The following CSPG5 variants were observed in gnomAD, a reference collection of about 807,000 sequenced individuals.
CSPG5 encodes chondroitin sulfate proteoglycan 5, also known as acidic leucine-rich EGF-like domain-containing brain protein.
Under a neutral mutation model 39.8 loss-of-function variants are expected in CSPG5, and 25 were observed. The observed-to-expected ratio is 0.63, with a 90% CI of 0.46 to 0.88. CSPG5 has a LOEUF of 0.88. Among genes scored for constraint, CSPG5 ranks in the 40% least tolerant of loss-of-function variants. The probability of loss-of-function intolerance (pLI) is 0.00; values close to 1 mark genes in which losing one functional copy is unlikely to be tolerated. For missense variants in CSPG5, 627 were observed against 702.2 expected (o/e 0.89, Z 1.21); for synonymous variants, 295 against 303.9 (o/e 0.97, Z 0.31).
intron 4 of CSPG5, among the ~76,000 whole-genome samples, chr3:47,566,339 G>A (rs1478535837): frequency 2.6e-5 from 4 of 152,146 alleles, no homozygotes; most frequent in Non-Finnish European, 4.4e-5. Context: ...CTCTCCTCCC[G>A]TATCATCTGG....
intron 3 of CSPG5, among the ~76,000 whole-genome samples, chr3:47,569,590 C>T (rs1334914355): frequency 1.6e-4 from 24 of 149,784 alleles, no homozygotes; most frequent in East Asian, 1.6e-3. Context: ...GCTGACAGAG[C>T]GAGACTCCAT....
intron 4 of CSPG5, 72 bp downstream of exon 4, chr3:47,569,080 A>G (rs2031420945): frequency 6.6e-7 from 1 of 1,522,822 alleles, no homozygotes; most frequent in African/African-American, 1.4e-5. Context: ...CCTGACAGAT[A>G]ACGTTATCAT....
intron 4 of CSPG5, 69 bp downstream of exon 4, chr3:47,569,083 G>A (rs772322527): frequency 7.2e-6 from 11 of 1,537,358 alleles, no homozygotes; most frequent in Admixed American, 4.3e-5. Context: ...GACAGATAAC[G>A]TTATCATAGT....
chr3:47,563,593 C>T (rs952194996), intron 4 of CSPG5, among the ~76,000 whole-genome samples: 6 of 152,152 alleles, frequency 3.9e-5, no homozygotes, highest in East Asian at 3.8e-4. Context: ...CTTGCTCTGT[C>T]GCCCAGGCCA....
At chr3:47,566,574 C>G (rs1215882978) in intron 4 of CSPG5, among the ~76,000 whole-genome samples, 1 of 152,204 alleles carries the variant, frequency 6.6e-6, no homozygotes, top group Non-Finnish European at 1.5e-5. Context: ...AGGAGAGTCA[C>G]CCCTCACATC....
chr3:47,567,407 T>G (rs1040784556), intron 4 of CSPG5, among the ~76,000 whole-genome samples: 1 of 152,160 alleles, frequency 6.6e-6, no homozygotes, highest in African/African-American at 2.4e-5. Flanking sequence ...CTGCCCTCTG[T>G]GGGTTGATGA....
In CSPG5 at chr3:47,576,988, T is replaced by C; in HGVS notation, c.1038A>G (p.Pro346=). ...TTTCACTGGAGGCCAAGTCCCTGCC[T>C]GGCTCTCCTGGGCGGGGCCTGAGGG... ...SIALRPRPGE[P]GRDLASSENG... is the part of the protein sequence containing the mutation. Residue 346 remains proline (P), a synonymous_variant, in exon 2 of 5, where the codon CCA becomes CCG. Coordinates refer to ENST00000264723, the MANE Select transcript of CSPG5 (RefSeq NM_006574.4). 1 of 1,613,652 alleles carries C rather than the reference T, an allele frequency of 6.2e-7. No homozygotes were observed. Among genetic ancestry groups the C allele is most frequent in the Non-Finnish European group, 8.5e-7 (1 of 1,179,788 alleles).
chr3:47,569,296 A>C, intron 3 of CSPG5, 69 bp from the exon 4 acceptor site: 2 of 1,505,518 alleles, frequency 1.3e-6, no homozygotes, highest in Non-Finnish European at 1.8e-6. Context: ...ACAATGTCTC[A>C]GCTTCTGGAT....
At chr3:47,568,032 A>G (rs879405037) in intron 4 of CSPG5, among the ~76,000 whole-genome samples, 1 of 152,178 alleles carries the variant, frequency 6.6e-6, no homozygotes, top group Non-Finnish European at 1.5e-5. Flanking sequence ...GATATAGAAC[A>G]CTTCCATTTC....
chr3:47,562,839 G>T (rs1456746958), intron 4 of CSPG5, 78 bp from the exon 5 acceptor site: 6 of 1,373,662 alleles, frequency 4.4e-6, no homozygotes, highest in Non-Finnish European at 5.9e-6. Flanking sequence ...TTTCTATCTG[G>T]TTGAAGGAAG....
chr3:47,568,974 A>C, intron 4 of CSPG5, 178 bp downstream of exon 4: 2 of 1,182,798 alleles, frequency 1.7e-6, no homozygotes, highest in Non-Finnish European at 2.3e-6. Context: ...GCTGACCTCC[A>C]GAGCTCTCTG....
In CSPG5 at chr3:47,578,730, G is replaced by T. The variant is rs924952474; in HGVS notation, c.-37C>A. 1.5e-5 allele frequency: 8 copies of T among 541,554 alleles called. No homozygotes were observed. Among genetic ancestry groups the T allele is most frequent in the African/African-American group, 1.2e-4 (6 of 48,308 alleles). 33.5% of individuals were successfully genotyped at this position (541,554 alleles called of 1,614,324 possible). A position where few individuals can be genotyped will look rare whatever the true frequency, so the allele number is the denominator to read the frequency against. On this transcript the variant is annotated 5_prime_UTR_variant, in exon 1 of 5. Coordinates refer to ENST00000264723, the MANE Select transcript of CSPG5 (RefSeq NM_006574.4). The surrounding 1 kb of genome is among the most constrained non-coding windows in gnomAD (Gnocchi z 6.0). ...CCGACCGCTGTCCGCGGTCCGCCCG[G>T]CTGGCTGCGCCCTCGGCTCGCCCGG...
chr3:47,569,594 A>T (rs2031450031), intron 3 of CSPG5, among the ~76,000 whole-genome samples: 1 of 151,230 alleles, frequency 6.6e-6, no homozygotes, highest in Admixed American at 6.6e-5. Context: ...ACAGAGCGAG[A>T]CTCCATCTCA....
chr3:47,579,195 A>C (rs2031906595), upstream of CSPG5: 1 of 152,306 alleles, frequency 6.6e-6, no homozygotes, highest in Non-Finnish European at 1.5e-5. The surrounding 1 kb of genome is among the most constrained non-coding windows in gnomAD (Gnocchi z 4.2). Flanking sequence ...GCCACGCGGC[A>C]AGCACGGAGG....
In CSPG5 at chr3:47,562,565, C is replaced by A; in HGVS notation, c.*35G>T. On this transcript the variant is annotated 3_prime_UTR_variant, in exon 5 of 5. Coordinates refer to ENST00000264723, the MANE Select transcript of CSPG5 (RefSeq NM_006574.4). ...ATAATGTTTCTTCCCCTACCCCCCA[C>A]CCACTACCCCCGCTTCCTCTCTTCT... 1 of 1,563,960 alleles carries A rather than the reference C, an allele frequency of 6.4e-7. No individual in the cohort carries two copies. Among genetic ancestry groups the A allele is most frequent in the Non-Finnish European group, 8.8e-7 (1 of 1,140,474 alleles).
chr3:47,571,310 G>C (rs1040392286), intron 3 of CSPG5, among the ~76,000 whole-genome samples: 1 of 152,214 alleles, frequency 6.6e-6, no homozygotes. Context: ...AAAAACACAG[G>C]GCTGGCTAGA....
rs373532464 is a variant in CSPG5 at position 47,572,908 on chromosome 3, G to T, written c.1194-34C>A. ...GCGACATTGAGAAACCGTGGCGATG[G>T]AGCAGGCAGCCACGGCCACAGTAAG... On this transcript the variant is annotated intron_variant, in intron 2 of 4. Coordinates refer to ENST00000264723, the MANE Select transcript of CSPG5 (RefSeq NM_006574.4). This position sits in a 1 kb window ranked among gnomAD's most constrained non-coding sequence, Gnocchi z 4.5. 1 of 1,590,152 alleles carries T rather than the reference G, an allele frequency of 6.3e-7. No individual in the cohort carries two copies.
chr3:47,566,786 C>G (rs1011227150), intron 4 of CSPG5, among the ~76,000 whole-genome samples: 3 of 152,182 alleles, frequency 2.0e-5, no homozygotes, highest in African/African-American at 7.2e-5. Flanking sequence ...CCCTGGCCAC[C>G]CCATCACCCT....
chr3:47,562,780 T>TG lies in CSPG5; in HGVS notation c.1459-20dup, dbSNP rs144390955. ...GATCATCCTGGAAGAGGGAAAAAGT[T>TG]GGGGGGGGGGAGACAATGCATACAG... On this transcript the variant is annotated intron_variant, in intron 4 of 4. Coordinates refer to ENST00000264723, the MANE Select transcript of CSPG5 (RefSeq NM_006574.4). The TG allele has an allele frequency of 0.015, 17,061 of 1,140,836 alleles. 44 individuals carry two copies. The highest frequency in any genetic ancestry group is 0.036 in the African/African-American group (2,278 of 64,040). 70.7% of individuals were successfully genotyped at this position (1,140,836 alleles called of 1,614,324 possible).
Sources: allele counts gnomAD v4.1 joint callset (sites outside exome capture counted in the v4.1 genomes callset), GRCh38; gene constraint gnomAD v4.1.1; non-coding constraint Gnocchi (gnomAD v3.1); transcripts MANE v1.5; gene names NCBI Gene and HGNC (gene_info 2026-07-23, HGNC 2026-07-21).